Variants in RNF212 observed in about 807,000 individuals in gnomAD.
RNF212 encodes the protein ring finger protein 212.
RNF212 carries 33 observed loss-of-function variants against 34.7 expected under a neutral mutation model. The observed-to-expected ratio is 0.95, with a 90% CI of 0.72 to 1.27. The LOEUF (loss-of-function observed/expected upper bound fraction) is 1.27, where lower values mean the gene tolerates loss of function less well. RNF212 is among the 50% of genes most tolerant of loss of function. The probability of loss-of-function intolerance (pLI) is 0.00; values close to 1 mark genes in which losing one functional copy is unlikely to be tolerated. For synonymous variants in RNF212, 140 were observed against 136.1 expected, an observed-to-expected ratio of 1.03 and a Z score of -0.20; for missense variants, 377 against 362.2, an observed-to-expected ratio of 1.04 and a Z score of -0.33.
In RNF212 at chr4:1,072,627, C is replaced by A; in HGVS notation, c.*247G>T. The A allele has an allele frequency of 3.9e-6, 4 of 1,025,578 alleles. No homozygotes were observed. Among genetic ancestry groups the A allele is most frequent in the South Asian group, 3.6e-5 (1 of 27,440 alleles). 63.5% of individuals were successfully genotyped at this position (1,025,578 alleles called of 1,614,324 possible). ...ATGATTTAAGTATGTGAAAAAAAAA[C>A]TCCCTAAGCATGAGAACCTATAAAA... is the stretch of plus-strand genomic sequence containing the variant. On this transcript the variant is annotated 3_prime_UTR_variant, in exon 10 of 10. Transcript: ENST00000433731.
rs187559388 is a variant in RNF212, at chr4:1,109,570, T to A, written c.110-1166A>T. On this transcript the variant is annotated intron_variant, in intron 1 of 9. Coordinates refer to ENST00000433731, the MANE Select transcript of RNF212 (RefSeq NM_001131034.4). ...AGAGGTGGATTCACAGACTTGAGGATTCCAACGCTGCTGAGTCAGCAACAC... is the reference window on the plus strand; with the variant it reads ...AGAGGTGGATTCACAGACTTGAGGAATCCAACGCTGCTGAGTCAGCAACAC... Among the ~76,000 whole-genome samples the A allele has an allele frequency of 3.0e-3, 450 of 152,206 alleles. 2 individuals carry two copies. The highest frequency in any genetic ancestry group is 6.8e-3 in the Middle Eastern group (2 of 294).
chr4:1,096,962 G>A, intron 2 of RNF212, 123 bp from the exon 3 acceptor site: 1 of 757,330 alleles, frequency 1.3e-6, no homozygotes, highest in Non-Finnish European at 2.3e-6. Flanking sequence ...AGCACATTGT[G>A]AATGGCCTCT....
At chr4:1,104,589 G>T (rs1724518436) in intron 2 of RNF212, among the ~76,000 whole-genome samples, 1 of 152,124 alleles carries the variant, frequency 6.6e-6, no homozygotes, top group Admixed American at 6.5e-5. Context: ...GGAAGAAAGG[G>T]AGCAGGCGTG....
Position 1,090,764 on chromosome 4 carries a change from T to C in RNF212, c.303+18A>G, listed in dbSNP as rs1722061120. On this transcript the variant is annotated intron_variant, in intron 4 of 9. Coordinates refer to ENST00000433731, the MANE Select transcript of RNF212 (RefSeq NM_001131034.4). ...AAGGTCAAAAAAATTCAAGTGGCAA[T>C]GAATCAATTCCACTTACCTTTTCTC... 2 of 1,441,812 alleles carry C rather than the reference T, an allele frequency of 1.4e-6. No homozygotes were observed. The highest frequency in any genetic ancestry group is 1.2e-5 in the South Asian group (1 of 85,842). 89.3% of individuals were successfully genotyped at this position (1,441,812 alleles called of 1,614,324 possible). A position where few individuals can be genotyped will look rare whatever the true frequency, so the allele number is the denominator to read the frequency against.
chr4:1,077,338 A>G (rs1453289412), intron 8 of RNF212, among the ~76,000 whole-genome samples: 2 of 152,244 alleles, frequency 1.3e-5, no homozygotes, highest in Non-Finnish European at 2.9e-5. Flanking sequence ...TTCCTCAGCA[A>G]TAATTTCCAA....
intron 3 of RNF212, chr4:1,093,864 C>T (rs1425453483): frequency 3.3e-6 from 5 of 1,536,218 alleles, no homozygotes; most frequent in Non-Finnish European, 3.5e-6. Flanking sequence ...CGCCGGCATC[C>T]TGGTCTGGGT....
chr4:1,065,582 C>T (rs918762108), intron 3 of RNF212, among the ~76,000 whole-genome samples: 1 of 151,860 alleles, frequency 6.6e-6, no homozygotes, highest in Admixed American at 6.6e-5. Context: ...ATTCTCCCAC[C>T]TCAGCATCCT....
intron 4 of RNF212, among the ~76,000 whole-genome samples, chr4:1,088,687 T>C (rs576463134): frequency 6.6e-6 from 1 of 152,296 alleles, no homozygotes; most frequent in East Asian, 1.9e-4. Flanking sequence ...AGAAAAAAAG[T>C]AGTTTTATGG....
In RNF212 at chr4:1,073,023, T is replaced by A. The variant is rs372156034; in HGVS notation, c.745A>T (p.Asn249Tyr). 1.9e-6 allele frequency: 3 copies of A among 1,614,166 alleles called. No homozygotes were observed. The highest frequency in any genetic ancestry group is 2.5e-6 in the Non-Finnish European group (3 of 1,180,036). Residue 249 changes from asparagine to tyrosine, a missense_variant, in exon 10 of 10, where the codon AAC (asparagine) becomes TAC (tyrosine). By Grantham distance (143) the Asn-to-Tyr change is moderately radical. Coordinates refer to ENST00000433731, the MANE Select transcript of RNF212 (RefSeq NM_001131034.4). ...FSSGRHGELT[N>Y]SKTLPIYAEV... is the part of the protein sequence containing the mutation. ...GCATATATTGGAAGTGTTTTAGAGT[T>A]GGTGAGTTCCCCGTGCCTTCCAGAA...
intron 3 of RNF212, among the ~76,000 whole-genome samples, chr4:1,064,897 TTG>T (rs1421379243): frequency 6.6e-6 from 1 of 152,210 alleles, no homozygotes; most frequent in Non-Finnish European, 1.5e-5. Context: ...CACACAGCAT[TTG>T]TGTTTCTGCG....
chr4:1,061,832 G>A (rs1429747675), intron 3 of RNF212, among the ~76,000 whole-genome samples: 2 of 152,182 alleles, frequency 1.3e-5, no homozygotes, highest in Non-Finnish European at 2.9e-5. Flanking sequence ...AAAAATACAA[G>A]AATCCAGACT....
At chr4:1,094,136 A>G in intron 3 of RNF212, 9 of 1,226,098 alleles carry the variant, frequency 7.3e-6, no homozygotes, top group Non-Finnish European at 9.9e-6. Context: ...GCAGGGGTCC[A>G]TCCTCAGTCT....
chr4:1,077,006 G>C (rs926527378), intron 8 of RNF212, among the ~76,000 whole-genome samples: 1 of 152,222 alleles, frequency 6.6e-6, no homozygotes, highest in Non-Finnish European at 1.5e-5. Flanking sequence ...GAGGTGGGCA[G>C]ATCACAAGGT....
chr4:1,104,717 GGC>G (rs879459680), intron 2 of RNF212, among the ~76,000 whole-genome samples: 28 of 152,154 alleles, frequency 1.8e-4, no homozygotes, highest in Non-Finnish European at 4.4e-5. Context: ...CACTGTCACT[GGC>G]CCAGCTCAGA....
At chr4:1,093,697 C>T (rs1354639711) in intron 3 of RNF212, 1 of 1,536,250 alleles carries the variant, frequency 6.5e-7, no homozygotes, top group East Asian at 2.4e-5. Context: ...GCCTGTGGCT[C>T]TGATGTCTGT....
intron 8 of RNF212, among the ~76,000 whole-genome samples, chr4:1,076,305 T>A (rs1223114245): frequency 6.6e-6 from 1 of 152,094 alleles, no homozygotes. Flanking sequence ...AAAGAACCAA[T>A]CCCCTCTGGG....
Position 1,072,630 on chromosome 4 carries a change from C to T in RNF212, c.*244G>A. The T allele has an allele frequency of 1.9e-6, 2 of 1,068,812 alleles. No individual in the cohort carries two copies. The highest frequency in any genetic ancestry group is 2.3e-6 in the Non-Finnish European group (2 of 858,816). 66.2% of individuals were successfully genotyped at this position (1,068,812 alleles called of 1,614,324 possible). On this transcript the variant is annotated 3_prime_UTR_variant, in exon 10 of 10. Transcript: ENST00000433731. ...ATTTAAGTATGTGAAAAAAAAACTCCCTAAGCATGAGAACCTATAAAATAA... is the reference window on the plus strand; with the variant it reads ...ATTTAAGTATGTGAAAAAAAAACTCTCTAAGCATGAGAACCTATAAAATAA...
At chr4:1,088,819 A>G (rs573283016) in intron 4 of RNF212, among the ~76,000 whole-genome samples, 93 of 152,362 alleles carry the variant, frequency 6.1e-4, no homozygotes, top group Admixed American at 2.1e-3. Context: ...CTGCTGCTTC[A>G]GAGGGAGCAA....
intron 4 of RNF212, among the ~76,000 whole-genome samples, chr4:1,087,638 A>G (rs1721547599): frequency 6.7e-6 from 1 of 149,512 alleles, no homozygotes; most frequent in Non-Finnish European, 1.5e-5. Context: ...GAGGTGACAG[A>G]ATGTGGTGGG....
Sources: allele counts gnomAD v4.1 joint callset (sites outside exome capture counted in the v4.1 genomes callset), GRCh38; gene constraint gnomAD v4.1.1; transcripts MANE v1.5; gene names NCBI Gene and HGNC (gene_info 2026-07-23, HGNC 2026-07-21).